Variants in HECW2 observed in about 807,000 individuals in gnomAD.
HECW2 encodes the protein E3 ubiquitin-protein ligase HECW2.
HECW2 carries 61 observed loss-of-function variants against 175.2 expected under a neutral mutation model. The ratio of observed to expected loss-of-function variants is 0.35; its 90% CI spans 0.28 to 0.43. The LOEUF is 0.43. HECW2 is among the 20% of genes least tolerant of loss of function. The pLI, the probability that HECW2 is intolerant of heterozygous loss-of-function variation, is 1.00. For missense variants in HECW2, 1,524 were observed against 2,000.5 expected, an observed-to-expected ratio of 0.76 and a Z score of 4.54; for synonymous variants, 671 against 731.0, an observed-to-expected ratio of 0.92 and a Z score of 1.32.
At chr2:196,335,996 T>C (rs1338449233) in intron 3 of HECW2, among the ~76,000 whole-genome samples, 4 of 151,952 alleles carry the variant, frequency 2.6e-5, no homozygotes, top group African/African-American at 9.7e-5. Context: ...ATAGAGAGCG[T>C]AGAGAAGATG....
At chr2:196,444,375 AT>A (rs1696124918) in intron 1 of HECW2, among the ~76,000 whole-genome samples, 1 of 152,236 alleles carries the variant, frequency 6.6e-6, no homozygotes, top group Non-Finnish European at 1.5e-5. Flanking sequence ...CTGTATTTCA[AT>A]ATAATTGTTT....
chr2:196,518,665 A>C (rs1688239037), intron 1 of HECW2, among the ~76,000 whole-genome samples: 3 of 151,722 alleles, frequency 2.0e-5, no homozygotes, highest in Admixed American at 2.0e-4. Flanking sequence ...AAAAAAAAAA[A>C]AAAAAAAAAA....
intron 19 of HECW2, chr2:196,242,774 C>G (rs1688508019): frequency 6.6e-6 from 1 of 150,540 alleles, no homozygotes; most frequent in Non-Finnish European, 1.5e-5. Flanking sequence ...CTCACTGCAC[C>G]CTCCGCCTCC....
Position 196,274,135 on chromosome 2 carries a change from A to G in HECW2, c.3136-12T>C. Reference sequence around the variant, plus strand: ...GAATCTTCTCCTACCTGCAAACAGAAGCATCATTTATGTTCTGCACCAAGA... The same window carrying G: ...GAATCTTCTCCTACCTGCAAACAGAGGCATCATTTATGTTCTGCACCAAGA... On this transcript the variant is annotated splice_polypyrimidine_tract_variant and intron_variant, in intron 15 of 28. Transcript: ENST00000644978. The G allele has an allele frequency of 6.2e-7, 1 of 1,600,766 alleles. No individual in the cohort carries two copies. The highest frequency in any genetic ancestry group is 1.3e-5 in the African/African-American group (1 of 74,762).
intron 1 of HECW2, among the ~76,000 whole-genome samples, chr2:196,494,884 T>G (rs1368827546): frequency 6.6e-5 from 10 of 152,150 alleles, no homozygotes; most frequent in African/African-American, 2.4e-4. Context: ...CAAGATTCTC[T>G]TATTACAAAT....
intron 1 of HECW2, among the ~76,000 whole-genome samples, chr2:196,512,171 C>T (rs998225465): frequency 2.6e-5 from 4 of 152,190 alleles, no homozygotes; most frequent in Non-Finnish European, 5.9e-5. Context: ...TTCACAATGA[C>T]GGGCCACGTG....
At chr2:196,373,902 G>T (rs1484922623) in intron 2 of HECW2, among the ~76,000 whole-genome samples, 4 of 151,288 alleles carry the variant, frequency 2.6e-5, no homozygotes, top group South Asian at 2.1e-4. Flanking sequence ...CGTAGTGGCG[G>T]GCGCCTGTAG....
At chr2:196,310,804 G>A (rs1368886851) in intron 10 of HECW2, among the ~76,000 whole-genome samples, 1 of 141,444 alleles carries the variant, frequency 7.1e-6, no homozygotes, top group African/African-American at 2.8e-5. Flanking sequence ...CACTGAATTG[G>A]GAGGTAGAAG....
intron 10 of HECW2, among the ~76,000 whole-genome samples, chr2:196,311,277 C>A (rs979897347): frequency 6.6e-6 from 1 of 152,202 alleles, no homozygotes; most frequent in Non-Finnish European, 1.5e-5. Flanking sequence ...AATAAAAATG[C>A]AGATTCCTAT....
chr2:196,370,103 G>C (rs1693864993), intron 2 of HECW2, among the ~76,000 whole-genome samples: 1 of 151,758 alleles, frequency 6.6e-6, no homozygotes, highest in Non-Finnish European at 1.5e-5. Context: ...CCTCCCCTTA[G>C]CTGCCACAGC....
At chr2:196,257,358 C>G (rs1020355776) in intron 18 of HECW2, among the ~76,000 whole-genome samples, 3 of 152,186 alleles carry the variant, frequency 2.0e-5, no homozygotes, top group Non-Finnish European at 4.4e-5. Context: ...CAAATGTCAA[C>G]TTTCTGATCT....
intron 24 of HECW2, among the ~76,000 whole-genome samples, chr2:196,221,759 C>T (rs893246156): frequency 2.0e-4 from 30 of 152,036 alleles, no homozygotes; most frequent in Non-Finnish European, 8.8e-5. Context: ...AGGGTTTCAC[C>T]ATGTTGCCTA....
chr2:196,418,197 C>T (rs368360244), intron 2 of HECW2, among the ~76,000 whole-genome samples: 8 of 151,860 alleles, frequency 5.3e-5, no homozygotes, highest in African/African-American at 1.9e-4. Flanking sequence ...GGCACCATCT[C>T]GGCTCACTGC....
At chr2:196,258,281 T>TCCAATC (rs1689145820) in intron 17 of HECW2, among the ~76,000 whole-genome samples, 1 of 152,186 alleles carries the variant, frequency 6.6e-6, no homozygotes, top group East Asian at 1.9e-4. Context: ...GCCCTGCTGT[T>TCCAATC]CCAAAAAGGG....
Position 196,593,539 on chromosome 2 carries a change from C to A in HECW2, c.-67G>T, listed in dbSNP as rs1437198595. 2.6e-5 allele frequency: 4 copies of A among 152,378 alleles called. No individual in the cohort carries two copies. The highest frequency in any genetic ancestry group is 5.9e-5 in the Non-Finnish European group (4 of 68,178). 9.4% of individuals were successfully genotyped at this position (152,378 alleles called of 1,614,324 possible). On this transcript the variant is annotated 5_prime_UTR_variant, in exon 1 of 29. Coordinates refer to ENST00000644978, the MANE Select transcript of HECW2 (RefSeq NM_001348768.2). ...CCGCGCCGGCGCCCTTCCCGCTAGA[C>A]GCTTCGGCGGCATCTGCCCGCACCG...
intron 14 of HECW2, chr2:196,290,393 G>A (rs957386720): frequency 1.3e-5 from 2 of 152,164 alleles, no homozygotes; most frequent in Non-Finnish European, 2.9e-5. Flanking sequence ...CAAGGTTCAG[G>A]GGTTAGTAAA....
intron 2 of HECW2, among the ~76,000 whole-genome samples, chr2:196,425,237 A>C (rs1342943439): frequency 2.6e-5 from 4 of 152,006 alleles, no homozygotes; most frequent in African/African-American, 7.2e-5. Flanking sequence ...AAAAAAAAAA[A>C]AAACTGCGAC....
chr2:196,459,119 G>A (rs73989930), intron 1 of HECW2, among the ~76,000 whole-genome samples: 1,643 of 152,238 alleles, frequency 0.011, 34 homozygotes, highest in African/African-American at 0.037. Context: ...AAGACTATAC[G>A]TATAATTAAA....
At chr2:196,437,642 G>A (rs1455516083) in intron 1 of HECW2, among the ~76,000 whole-genome samples, 1 of 127,288 alleles carries the variant, frequency 7.9e-6, no homozygotes, top group Non-Finnish European at 1.6e-5. Context: ...CCTTGGAGGG[G>A]GTGGGTCACC....
Sources: allele counts gnomAD v4.1 joint callset (sites outside exome capture counted in the v4.1 genomes callset), GRCh38; gene constraint gnomAD v4.1.1; transcripts MANE v1.5; gene names NCBI Gene and HGNC (gene_info 2026-07-23, HGNC 2026-07-21).